Variants in GABBR2 observed in about 807,000 individuals in gnomAD.
GABBR2 encodes G-protein coupled receptor 51.
GABBR2 carries 23 observed loss-of-function variants against 105.6 expected under a neutral mutation model. The observed-to-expected ratio is 0.22, with a 90% confidence interval of 0.16 to 0.31. The LOEUF (loss-of-function observed/expected upper bound fraction) is 0.31. GABBR2 is among the 10% of genes least tolerant of loss of function. The pLI, the probability that GABBR2 is intolerant of heterozygous loss-of-function variation, is 1.00. For synonymous variants in GABBR2, 478 were observed against 499.7 expected (o/e 0.96, Z 0.58); for missense variants, 734 against 1,245.5 (o/e 0.59, Z 6.18).
intron 2 of GABBR2, among the ~76,000 whole-genome samples, chr9:98,560,149 T>A (rs903147905): frequency 2.0e-5 from 3 of 152,178 alleles, no homozygotes; most frequent in Admixed American, 6.5e-5. Flanking sequence ...CATTTGACTA[T>A]GGAATCATAT....
At chr9:98,523,999 A>G (rs1293772028) in intron 3 of GABBR2, among the ~76,000 whole-genome samples, 1 of 45,688 alleles carries the variant, frequency 2.2e-5, no homozygotes, top group African/African-American at 5.1e-5. Context: ...GAAAGGGCCT[A>G]TAACAAAAAA....
chr9:98,633,904 T>G (rs971609850), intron 1 of GABBR2, among the ~76,000 whole-genome samples: 3 of 152,198 alleles, frequency 2.0e-5, no homozygotes, highest in African/African-American at 7.2e-5. Flanking sequence ...GGTTGGGAGC[T>G]GTCTACCAGA....
intron 2 of GABBR2, among the ~76,000 whole-genome samples, chr9:98,562,576 T>C (rs1311848371): frequency 3.9e-5 from 6 of 152,038 alleles, no homozygotes; most frequent in Non-Finnish European, 7.4e-5. Flanking sequence ...AAAAAATCAG[T>C]GACTGTGTGA....
At chr9:98,427,890 T>C (rs1348567398) in intron 7 of GABBR2, among the ~76,000 whole-genome samples, 1 of 152,122 alleles carries the variant, frequency 6.6e-6, no homozygotes, top group Non-Finnish European at 1.5e-5. Context: ...GTGGGAGACA[T>C]CTTGAAAGCA....
chr9:98,599,852 G>A (rs1036261034), intron 1 of GABBR2, among the ~76,000 whole-genome samples: 2 of 152,222 alleles, frequency 1.3e-5, no homozygotes, highest in Non-Finnish European at 2.9e-5. Flanking sequence ...AGGGAGAGAT[G>A]GGGGTGGGTA....
At chr9:98,668,043 CTGAAGG>C (rs1237623791) in intron 1 of GABBR2, among the ~76,000 whole-genome samples, 1 of 152,244 alleles carries the variant, frequency 6.6e-6, no homozygotes, top group African/African-American at 2.4e-5. Context: ...TGGGACCGCC[CTGAAGG>C]GCCATTACAG....
chr9:98,455,463 G>A (rs981985610), intron 6 of GABBR2, among the ~76,000 whole-genome samples: 1 of 152,172 alleles, frequency 6.6e-6, no homozygotes, highest in African/African-American at 2.4e-5. Flanking sequence ...ATACTGAGAA[G>A]GGCCCCTTAG....
intron 4 of GABBR2, among the ~76,000 whole-genome samples, chr9:98,492,902 G>A (rs768226480): frequency 6.6e-5 from 10 of 152,146 alleles, no homozygotes; most frequent in African/African-American, 1.4e-4. Flanking sequence ...TTTCTCGACC[G>A]TCAAGTTATT....
chr9:98,631,853 C>G (rs972422365), intron 1 of GABBR2, among the ~76,000 whole-genome samples: 1 of 152,164 alleles, frequency 6.6e-6, no homozygotes, highest in Admixed American at 6.5e-5. Flanking sequence ...ATGCATTCAA[C>G]TAGCAATGAG....
At chr9:98,340,602 C>A (rs1831195223) in intron 13 of GABBR2, among the ~76,000 whole-genome samples, 4 of 152,148 alleles carry the variant, frequency 2.6e-5, no homozygotes, top group Non-Finnish European at 5.9e-5. Context: ...ACAGACCTAC[C>A]AGCAGCAAGC....
At chr9:98,662,491 A>G (rs72760681) in intron 1 of GABBR2, among the ~76,000 whole-genome samples, 17,630 of 152,252 alleles carry the variant, frequency 0.12, 1,180 homozygotes, top group African/African-American at 0.18. Context: ...TAGCATATAA[A>G]GAAACTCACA....
chr9:98,655,535 A>G (rs1417509272), intron 1 of GABBR2, among the ~76,000 whole-genome samples: 1 of 152,232 alleles, frequency 6.6e-6, no homozygotes, highest in East Asian at 1.9e-4. Context: ...TTTCACATGC[A>G]CACATGTTTA....
chr9:98,395,581 T>C (rs1230806673), intron 8 of GABBR2, among the ~76,000 whole-genome samples: 4 of 151,290 alleles, frequency 2.6e-5, no homozygotes, highest in Non-Finnish European at 4.4e-5. Flanking sequence ...TGGGAAGGGG[T>C]GACCAGGATG....
intron 1 of GABBR2, among the ~76,000 whole-genome samples, chr9:98,685,642 C>G (rs760966734): frequency 5.3e-5 from 8 of 152,210 alleles, no homozygotes; most frequent in Non-Finnish European, 1.2e-4. Context: ...TCTTGGATCT[C>G]TTCGTCCCAT....
intron 13 of GABBR2, among the ~76,000 whole-genome samples, chr9:98,359,735 T>C (rs1445298078): frequency 1.3e-5 from 2 of 152,246 alleles, no homozygotes; most frequent in East Asian, 1.9e-4. Flanking sequence ...GTGGCTGCCA[T>C]GGCTACCTGT....
At chr9:98,632,793 G>A (rs76312077) in intron 1 of GABBR2, among the ~76,000 whole-genome samples, 2,299 of 152,306 alleles carry the variant, frequency 0.015, 59 homozygotes, top group African/African-American at 0.053. Flanking sequence ...CAAAATCCTT[G>A]AGCATGATAA....
chr9:98,580,440 GTT>G (rs1160815350), intron 1 of GABBR2, among the ~76,000 whole-genome samples: 1 of 152,120 alleles, frequency 6.6e-6, no homozygotes, highest in African/African-American at 2.4e-5. Context: ...TTTTGTCATC[GTT>G]TTCACTGCTG....
At chr9:98,494,192 T>G (rs77897178) in intron 4 of GABBR2, among the ~76,000 whole-genome samples, 1,707 of 152,274 alleles carry the variant, frequency 0.011, 30 homozygotes, top group Non-Finnish European at 0.017. Context: ...TACATTCTGT[T>G]GTTATAAACC....
At chr9:98,608,193 T>A (rs984579531) in intron 1 of GABBR2, 1 of 999,796 alleles carries the variant, frequency 1.0e-6, no homozygotes, top group Non-Finnish European at 1.5e-6. Flanking sequence ...GACATCAGTG[T>A]TTGTTGGATC....
Sources: gnomAD v4.1 joint callset for allele counts (sites outside exome capture counted in the v4.1 genomes callset) on GRCh38, gnomAD v4.1.1 for gene constraint, MANE v1.5 for transcripts, NCBI Gene and HGNC (gene_info 2026-07-23, HGNC 2026-07-21) for gene names.